The following HACD3 variants were observed in gnomAD, a reference collection of about 807,000 sequenced individuals.
HACD3 encodes 3-hydroxyacyl-CoA dehydratase 3, also known as very-long-chain (3R)-3-hydroxyacyl-CoA dehydratase 3.
HACD3 carries 30 observed loss-of-function variants against 55.2 expected under a neutral mutation model. The observed-to-expected ratio is 0.54, with a 90% CI of 0.41 to 0.74. The LOEUF is 0.74. HACD3 is among the 30% of genes least tolerant of loss of function. The probability of loss-of-function intolerance (pLI) is 0.00; values close to 1 mark genes in which losing one functional copy is unlikely to be tolerated. For synonymous variants in HACD3, 141 were observed against 151.7 expected, an observed-to-expected ratio of 0.93 and a Z score of 0.52; for missense variants, 363 against 440.1, an observed-to-expected ratio of 0.82 and a Z score of 1.57.
chr15:65,551,764 G>GGT, intron 2 of HACD3, 46 bp downstream of exon 2: 1 of 1,593,570 alleles, frequency 6.3e-7, no homozygotes, highest in South Asian at 1.1e-5. Context: ...CAGTTAAGGA[G>GGT]GTGTGGTGGT....
In HACD3 at chr15:65,530,490, G is replaced by C. The variant is rs1033308348; in HGVS notation, c.-142G>C. 1.0e-5 allele frequency: 7 copies of C among 668,558 alleles called. No individual in the cohort carries two copies. The highest frequency in any genetic ancestry group is 1.6e-5 in the Non-Finnish European group (7 of 429,108). The allele number at this position is 668,558 out of a possible 1,614,324, so 41.4% of individuals were successfully genotyped here. On this transcript the variant is annotated 5_prime_UTR_variant, in exon 1 of 11. Coordinates refer to ENST00000261875, the MANE Select transcript of HACD3 (RefSeq NM_016395.4). ...CACTGCGCAGGCGCGGCCCGCGAGCGTGGGGTATCTCGAGGTGCCGGGTTG... is the reference window on the plus strand; with the variant it reads ...CACTGCGCAGGCGCGGCCCGCGAGCCTGGGGTATCTCGAGGTGCCGGGTTG...
intron 1 of HACD3, among the ~76,000 whole-genome samples, chr15:65,547,148 ACT>A (rs2072085777): frequency 6.7e-6 from 1 of 149,818 alleles, no homozygotes; most frequent in Admixed American, 6.7e-5. Flanking sequence ...ACGGAGTCTC[ACT>A]CTGTCACCGA....
chr15:65,541,050 G>A lies in HACD3; in HGVS notation c.87+10332G>A, dbSNP rs556911591. 1.1e-3 allele frequency among the ~76,000 whole-genome samples: 160 copies of A among 152,250 alleles called. 1 individual carries two copies. Among genetic ancestry groups the A allele is most frequent in the African/African-American group, 3.7e-3 (153 of 41,550 alleles). ...GCACAGAGTAGATGACAACTGAAAT[G>A]ATTAAGACTGGAGAAGAGATTTAGG... On this transcript the variant is annotated intron_variant, in intron 1 of 10. Transcript: ENST00000261875.
At chr15:65,541,961 T>A (rs546786031) in intron 1 of HACD3, among the ~76,000 whole-genome samples, 1 of 152,150 alleles carries the variant, frequency 6.6e-6, no homozygotes, top group African/African-American at 2.4e-5. Flanking sequence ...CCGGGTGCGG[T>A]GGCTCACGCC....
chr15:65,562,642 C>G, intron 5 of HACD3, 132 bp from the exon 6 acceptor site: 1 of 1,223,196 alleles, frequency 8.2e-7, no homozygotes, highest in Non-Finnish European at 1.1e-6. Flanking sequence ...GGACCTGGAC[C>G]AGGTATTTGT....
At chr15:65,564,483 G>T in intron 7 of HACD3, 141 bp downstream of exon 7, 1 of 1,075,544 alleles carries the variant, frequency 9.3e-7, no homozygotes, top group Non-Finnish European at 1.3e-6. Context: ...GGTTTAATTG[G>T]ACTTACAGTT....
intron 1 of HACD3, among the ~76,000 whole-genome samples, chr15:65,541,754 A>G (rs1390047007): frequency 1.3e-5 from 2 of 152,222 alleles, no homozygotes; most frequent in South Asian, 4.1e-4. Context: ...CTGTGTCCCC[A>G]AAAGGGGGAA....
chr15:65,568,114 G>C (rs530426767), intron 7 of HACD3, among the ~76,000 whole-genome samples: 88 of 151,708 alleles, frequency 5.8e-4, no homozygotes, highest in Non-Finnish European at 1.0e-3. Context: ...GTAGAGATGG[G>C]GTTTCCCATG....
At position 65,578,026 on chromosome 15, in the gene HACD3, A is replaced by G. The variant is rs1232429856; in HGVS notation, c.*1647A>G. 1 of 152,440 alleles carries G rather than the reference A, an allele frequency of 6.6e-6. No individual in the cohort carries two copies. Among genetic ancestry groups the G allele is most frequent in the Non-Finnish European group, 1.5e-5 (1 of 68,040 alleles). 9.4% of individuals were successfully genotyped at this position (152,440 alleles called of 1,614,324 possible). A position where few individuals can be genotyped will look rare whatever the true frequency, so the allele number is the denominator to read the frequency against. On this transcript the variant is annotated 3_prime_UTR_variant, in exon 11 of 11. Transcript: ENST00000261875. ...ACATTCCTGGGGGAAAGGAGACTCA[A>G]TGAGTTAATACTATTTCACTGAGCC...
At chr15:65,548,610 T>C (rs1362518550) in intron 1 of HACD3, among the ~76,000 whole-genome samples, 6 of 152,032 alleles carry the variant, frequency 3.9e-5, no homozygotes, top group Non-Finnish European at 8.8e-5. Context: ...TCTTAGTCTG[T>C]CATCCAGGCT....
Position 65,558,705 on chromosome 15 carries a change from G to T in HACD3, c.395G>T (p.Arg132Leu). 1 of 1,601,488 alleles carries T rather than the reference G, an allele frequency of 6.2e-7. No homozygotes were observed. The highest frequency in any genetic ancestry group is 1.3e-5 in the African/African-American group (1 of 74,864). Reference protein sequence around the residue: ...AKEEERLNKLRLESEGSPETL... With the variant: ...AKEEERLNKLLLESEGSPETL... ...GAAGAAGAGCGCCTAAATAAACTCC[G>T]ACTGGAAAGCGAAGGCTCTCCTGAA... Residue 132 changes from arginine (R) to leucine (L), a missense_variant, in exon 5 of 11, where the codon CGA becomes CTA. Physicochemically the swap from Arg to Leu is moderately radical, Grantham distance 102 (BLOSUM62 -2). Transcript: ENST00000261875.
At chr15:65,537,944 AAAAAAAAAAAAAAAATATATATATAT>A (rs1244088779) in intron 1 of HACD3, among the ~76,000 whole-genome samples, 10 of 23,904 alleles carry the variant, frequency 4.2e-4, no homozygotes, top group South Asian at 1.6e-3. Context: ...GAAAAAAAAA[AAAAAAAAAAAAAAAATATATATATAT>A]ATATATATAT....
At chr15:65,530,802 G>A in intron 1 of HACD3, 84 bp downstream of exon 1, 1 of 1,314,594 alleles carries the variant, frequency 7.6e-7, no homozygotes, top group Non-Finnish European at 1.0e-6. Flanking sequence ...TTGTCCGCGT[G>A]CGCGCCGGAG....
intron 4 of HACD3, among the ~76,000 whole-genome samples, chr15:65,557,470 CAA>C (rs754834285): frequency 2.6e-4 from 26 of 99,928 alleles, no homozygotes; most frequent in Non-Finnish European, 1.3e-4. Context: ...GCGAGAGTCT[CAA>C]AAAAAAAAAA....
chr15:65,563,463 A>C (rs942561517), intron 6 of HACD3, among the ~76,000 whole-genome samples: 1 of 152,162 alleles, frequency 6.6e-6, no homozygotes, highest in African/African-American at 2.4e-5. Context: ...ATAGGTAATA[A>C]AATTTAGGAG....
intron 5 of HACD3, among the ~76,000 whole-genome samples, chr15:65,559,413 A>G (rs1429150772): frequency 1.3e-5 from 2 of 151,600 alleles, no homozygotes; most frequent in Non-Finnish European, 2.9e-5. Flanking sequence ...ATGTAAAACT[A>G]CCTCTGAAAA....
At chr15:65,563,377 A>G (rs750852079) in intron 6 of HACD3, among the ~76,000 whole-genome samples, 5 of 152,232 alleles carry the variant, frequency 3.3e-5, no homozygotes, top group Non-Finnish European at 7.3e-5. Flanking sequence ...GACCAGTGGC[A>G]TTCCATTGGT....
rs780989161 is a variant in HACD3, at chr15:65,558,737, T to C, written c.421+6T>C. ...AAGCGAAGGCTCTCCTGAAAGTAAG[T>C]TGTGCTGCTGCCATGGTAGTTACCA... On this transcript the variant is annotated splice_donor_region_variant and intron_variant, in intron 5 of 10. Transcript: ENST00000261875. 2 of 1,599,386 alleles carry C rather than the reference T, an allele frequency of 1.3e-6. No individual in the cohort carries two copies. The highest frequency in any genetic ancestry group is 1.7e-6 in the Non-Finnish European group (2 of 1,172,528).
chr15:65,576,367 AAAG>A lies in HACD3; in HGVS notation c.1079_1081del (p.Lys360del). 3.1e-6 allele frequency: 5 copies of A among 1,600,414 alleles called. No individual in the cohort carries two copies. Among genetic ancestry groups the A allele is most frequent in the Non-Finnish European group, 4.3e-6 (5 of 1,173,128 alleles). ...GACGGCGCTATGGACAAAAAAAGAA[AAAG>A]ATCCACTAAAAAGAAAGATTTAGAT... On this transcript the variant is annotated inframe_deletion, in exon 11 of 11. Transcript: ENST00000261875.
Sources: allele counts gnomAD v4.1 joint callset (sites outside exome capture counted in the v4.1 genomes callset), GRCh38; gene constraint gnomAD v4.1.1; transcripts MANE v1.5; gene names NCBI Gene and HGNC (gene_info 2026-07-23, HGNC 2026-07-21).